The following INPP4B variants were observed in gnomAD, a reference collection of about 807,000 sequenced individuals.
INPP4B encodes the protein inositol polyphosphate-4-phosphatase type II B.
Under a neutral mutation model 122.5 loss-of-function variants are expected in INPP4B, and 55 were observed. That is an observed-to-expected ratio of 0.45 (90% CI 0.36 to 0.56). INPP4B has a LOEUF of 0.56. INPP4B is among the 20% of genes least tolerant of loss of function. The pLI is 0.00. For synonymous variants in INPP4B, 403 were observed against 388.7 expected (o/e 1.04, Z -0.43); for missense variants, 1,000 against 1,097.7 (o/e 0.91, Z 1.26).
intron 2 of INPP4B, among the ~76,000 whole-genome samples, chr4:142,600,478 A>G (rs933448594): frequency 6.6e-6 from 1 of 152,218 alleles, no homozygotes; most frequent in Admixed American, 6.5e-5. Flanking sequence ...GGAGAATCCT[A>G]AACTTGGAAG....
At chr4:142,708,770 G>A (rs1762768560) in intron 2 of INPP4B, among the ~76,000 whole-genome samples, 1 of 152,210 alleles carries the variant, frequency 6.6e-6, no homozygotes, top group African/African-American at 2.4e-5. Context: ...AATATGGAGG[G>A]TAAATGTGGC....
chr4:142,333,512 T>C (rs1775476374), intron 7 of INPP4B, among the ~76,000 whole-genome samples: 1 of 152,244 alleles, frequency 6.6e-6, no homozygotes, highest in African/African-American at 2.4e-5. Flanking sequence ...TTTGTTACAA[T>C]ATATTACCTA....
At chr4:142,262,657 C>T (rs1220211736) in intron 10 of INPP4B, among the ~76,000 whole-genome samples, 1 of 152,120 alleles carries the variant, frequency 6.6e-6, no homozygotes, top group Non-Finnish European at 1.5e-5. Context: ...TGGTTCATTG[C>T]TGAATCCCCA....
intron 23 of INPP4B, chr4:142,096,185 T>A (rs1192653514): frequency 6.6e-6 from 1 of 152,074 alleles, no homozygotes; most frequent in African/African-American, 2.4e-5. Flanking sequence ...CTTTCGTGAG[T>A]AGTAGAATCT....
At chr4:142,060,620 G>C (rs2667109) in intron 25 of INPP4B, among the ~76,000 whole-genome samples, 134,021 of 152,142 alleles carry the variant, frequency 0.88, 60,874 homozygotes, top group Non-Finnish European at 0.98. Flanking sequence ...CTTTTAACCC[G>C]TCTGTGGCTG....
At chr4:142,587,424 T>TA (rs1208316517) in intron 2 of INPP4B, among the ~76,000 whole-genome samples, 21 of 152,074 alleles carry the variant, frequency 1.4e-4, no homozygotes, top group African/African-American at 4.8e-4. Context: ...GTCTTCTATT[T>TA]AAAAAATTGA....
At chr4:142,415,996 A>G (rs1281797632) in intron 5 of INPP4B, among the ~76,000 whole-genome samples, 41 of 145,968 alleles carry the variant, frequency 2.8e-4, no homozygotes, top group Non-Finnish European at 4.9e-4. Flanking sequence ...CACTCTGGGG[A>G]CTGTTGTGGG....
rs1290551500 is a variant in INPP4B at position 142,610,838 on chromosome 4, GCAT to G, written c.-191+114998_-191+115000del. On this transcript the variant is annotated intron_variant, in intron 2 of 25. Coordinates refer to ENST00000262992, the MANE Select transcript of INPP4B (RefSeq NM_001101669.3). ...ACTGAAAAGTTGCATGCCAATGGAAGCATCATTTTTTAAAAAAATAAGATTCAG... is the reference window on the plus strand; with the variant it reads ...ACTGAAAAGTTGCATGCCAATGGAAGCATTTTTTAAAAAAATAAGATTCAG... Among the ~76,000 whole-genome samples the G allele has an allele frequency of 2.6e-5, 4 of 152,162 alleles. 1 individual carries two copies. The Middle Eastern group carries it at 0.01, about 388-fold the overall frequency.
chr4:142,645,056 T>C (rs918673867), intron 2 of INPP4B, among the ~76,000 whole-genome samples: 5 of 152,144 alleles, frequency 3.3e-5, no homozygotes, highest in Non-Finnish European at 4.4e-5. Context: ...TTGTTGACAG[T>C]GTATGCTACT....
At chr4:142,045,538 G>A (rs1457302187) in intron 25 of INPP4B, among the ~76,000 whole-genome samples, 1 of 151,944 alleles carries the variant, frequency 6.6e-6, no homozygotes, top group South Asian at 2.1e-4. Context: ...TTCTAATATT[G>A]AGCATTTTTC....
intron 2 of INPP4B, among the ~76,000 whole-genome samples, chr4:142,664,243 C>T (rs1376075984): frequency 6.6e-6 from 1 of 152,138 alleles, no homozygotes; most frequent in Admixed American, 6.6e-5. Flanking sequence ...CCATGTCCCA[C>T]ACTGCCAAGA....
chr4:142,792,605 AC>A (rs1368501614), intron 1 of INPP4B, among the ~76,000 whole-genome samples: 1 of 152,072 alleles, frequency 6.6e-6, no homozygotes, highest in East Asian at 1.9e-4. Flanking sequence ...TAAGCCCATT[AC>A]CATGTACTCA....
At chr4:142,805,304 A>G (rs564002676) in intron 1 of INPP4B, among the ~76,000 whole-genome samples, 29 of 152,354 alleles carry the variant, frequency 1.9e-4, no homozygotes, top group Admixed American at 3.3e-4. Flanking sequence ...AATACTTAAC[A>G]TTATATAAGA....
intron 7 of INPP4B, among the ~76,000 whole-genome samples, chr4:142,382,158 T>C (rs1211291338): frequency 6.6e-6 from 1 of 152,184 alleles, no homozygotes; most frequent in African/African-American, 2.4e-5. Flanking sequence ...GTACTTTTCT[T>C]TCAACAGAAA....
chr4:142,231,869 AG>A (rs1003912417), intron 12 of INPP4B, among the ~76,000 whole-genome samples: 3 of 152,172 alleles, frequency 2.0e-5, no homozygotes, highest in African/African-American at 4.8e-5. Context: ...TATTATAAAA[AG>A]AAAGTATAGG....
intron 2 of INPP4B, among the ~76,000 whole-genome samples, chr4:142,594,044 G>C (rs1018107537): frequency 6.6e-6 from 1 of 152,146 alleles, no homozygotes; most frequent in Middle Eastern, 3.4e-3. Flanking sequence ...AATTGAACTA[G>C]TTATGATTGG....
chr4:142,300,844 A>G (rs776134196), intron 9 of INPP4B, among the ~76,000 whole-genome samples: 14 of 152,178 alleles, frequency 9.2e-5, no homozygotes, highest in Non-Finnish European at 1.8e-4. Flanking sequence ...AGAAGTAATA[A>G]ATGAAAAGCA....
chr4:142,224,506 T>C (rs1234959323), intron 12 of INPP4B, among the ~76,000 whole-genome samples: 1 of 152,206 alleles, frequency 6.6e-6, no homozygotes, highest in African/African-American at 2.4e-5. Flanking sequence ...ATAGCTTTAC[T>C]GCTTAGAAAA....
At chr4:142,531,905 A>C (rs1026773541) in intron 2 of INPP4B, among the ~76,000 whole-genome samples, 3 of 152,194 alleles carry the variant, frequency 2.0e-5, no homozygotes, top group Non-Finnish European at 4.4e-5. Context: ...GATAAATATA[A>C]ACATTATTGA....
Sources: allele counts gnomAD v4.1 joint callset (sites outside exome capture counted in the v4.1 genomes callset), GRCh38; gene constraint gnomAD v4.1.1; transcripts MANE v1.5; gene names NCBI Gene and HGNC (gene_info 2026-07-23, HGNC 2026-07-21).